Variants in CUL7 observed in about 807,000 individuals in gnomAD.
The protein encoded by CUL7 is cullin-7.
CUL7 carries 96 observed loss-of-function variants against 177.7 expected under a neutral mutation model. That is an observed-to-expected ratio of 0.54 (90% confidence interval 0.46 to 0.64). CUL7 has a LOEUF of 0.64. Ranked by LOEUF, CUL7 falls within the 30% of genes least tolerant of loss-of-function variation. The probability of loss-of-function intolerance (pLI) is 0.00; values close to 1 mark genes in which losing one functional copy is unlikely to be tolerated. For synonymous variants in CUL7, 824 were observed against 890.2 expected (o/e 0.93, Z 1.32); for missense variants, 1,893 against 2,187.9 (o/e 0.87, Z 2.69).
intron 15 of CUL7, 93 bp from the exon 16 acceptor site, chr6:43,044,978 C>G: frequency 6.4e-7 from 1 of 1,561,790 alleles, no homozygotes; most frequent in Non-Finnish European, 8.7e-7. Context: ...CTAACCCCAG[C>G]ACCCAAACCG....
chr6:43,046,980 A>G lies in CUL7; in HGVS notation c.2297T>C (p.Leu766Pro), dbSNP rs1763970974. 1 of 1,613,502 alleles carries G rather than the reference A, an allele frequency of 6.2e-7. No individual in the cohort carries two copies. The highest frequency in any genetic ancestry group is 1.3e-5 in the African/African-American group (1 of 75,018). Residue 766 changes from leucine (L) to proline (P), a missense_variant, in exon 10 of 26, where the codon CTG becomes CCG. Coordinates refer to ENST00000265348, the MANE Select transcript of CUL7 (RefSeq NM_014780.5). ...SKALEKHLGK[L>P]ELAQELRDMV... Reference sequence around the variant, plus strand: ...GTCCCGCAGCTCCTGAGCCAGCTCCAGCTTTCCCAGGTGCTTTTCCAGGGC... The same window carrying G: ...GTCCCGCAGCTCCTGAGCCAGCTCCGGCTTTCCCAGGTGCTTTTCCAGGGC...
chr6:43,046,324 C>T lies in CUL7; in HGVS notation c.2572G>A (p.Asp858Asn), dbSNP rs748015023. 8 of 1,614,206 alleles carry T rather than the reference C, an allele frequency of 5.0e-6. No individual in the cohort carries two copies. The Admixed American group carries it at 1.3e-4, about 27-fold the overall frequency. Residue 858 changes from aspartate to asparagine, a missense_variant, in exon 12 of 26, where the codon GAC becomes AAC. Asp to Asn is a conservative substitution (Grantham distance 23). Around this residue, in one of 5 missense-constraint regions of CUL7, gnomAD observed 973 missense variants for 1,140.9 expected, o/e 0.85. Coordinates refer to ENST00000265348, the MANE Select transcript of CUL7 (RefSeq NM_014780.5). ...SNPHRASKLT[D>N]HNPKTYWESN... is the part of the protein sequence containing the mutation. ...TCCCAATAGGTCTTGGGGTTGTGGTCCGTCAGCTTGCTGGCCCGGTGCGGG... is the reference window on the plus strand; with the variant it reads ...TCCCAATAGGTCTTGGGGTTGTGGTTCGTCAGCTTGCTGGCCCGGTGCGGG...
At chr6:43,046,673 T>C (rs778621004) in intron 10 of CUL7, 72 bp from the exon 11 acceptor site, 2 of 1,595,924 alleles carry the variant, frequency 1.3e-6, no homozygotes, top group South Asian at 2.2e-5. Flanking sequence ...GAAACACGGA[T>C]GAAGGAGAGA....
At position 43,038,548 on chromosome 6, in the gene CUL7, C is replaced by G. The variant is rs534802108; in HGVS notation, c.4567+18G>C. The G allele has an allele frequency of 6.2e-7, 1 of 1,614,076 alleles. No individual in the cohort carries two copies. Among genetic ancestry groups the G allele is most frequent in the Non-Finnish European group, 8.5e-7 (1 of 1,179,958 alleles). ...GCCCTGCCTCAGAGCAGAGGCCCCT[C>G]TGGCCCTAAGTGCATACCTCCTGGT... On this transcript the variant is annotated intron_variant, in intron 24 of 25. Coordinates refer to ENST00000265348, the MANE Select transcript of CUL7 (RefSeq NM_014780.5).
chr6:43,049,837 C>G, intron 6 of CUL7, 126 bp downstream of exon 6: 2 of 1,330,626 alleles, frequency 1.5e-6, no homozygotes, highest in Admixed American at 1.7e-5. Flanking sequence ...AATTCCAGAC[C>G]CCTCCTCTGC....
chr6:43,051,703 T>C lies in CUL7; in HGVS notation c.641A>G (p.Asp214Gly). The change falls in exon 3 of 26, where the codon GAT becomes GGT. Residue 214 changes from aspartate to glycine, a missense_variant. Asp to Gly is a moderately conservative substitution (Grantham distance 94). Coordinates refer to ENST00000265348, the MANE Select transcript of CUL7 (RefSeq NM_014780.5). This position sits in a 1 kb window ranked among gnomAD's most constrained non-coding sequence, Gnocchi z 5.0. ...TAGCAGAGCACAGCGGCTGTCAAAATCCAGGTGTTTCTCAATGGCTTCTTG... is the reference window on the plus strand; with the variant it reads ...TAGCAGAGCACAGCGGCTGTCAAAACCCAGGTGTTTCTCAATGGCTTCTTG... ...SQQEAIEKHL[D>G]FDSRCALLAL... The C allele has an allele frequency of 6.2e-7, 1 of 1,614,122 alleles. No individual in the cohort carries two copies. The highest frequency in any genetic ancestry group is 8.5e-7 in the Non-Finnish European group (1 of 1,180,028).
In CUL7 at chr6:43,045,379, C is replaced by T; in HGVS notation, c.2886G>A (p.Arg962=). The change falls in exon 15 of 26, where the codon CGG becomes CGA. Residue 962 remains arginine (R), a synonymous_variant. Coordinates refer to ENST00000265348, the MANE Select transcript of CUL7 (RefSeq NM_014780.5). The surrounding 1 kb of genome is among the most constrained non-coding windows in gnomAD (Gnocchi z 4.8). ...CQQGGIDTRI[R]GLEILGPKPT... ...GCTTGGGGCCTAGGATCTCTAACCC[C>T]CGAATGCGCGTATCAATGCCACCCT... The T allele has an allele frequency of 6.2e-7, 1 of 1,614,242 alleles. No individual in the cohort carries two copies. The highest frequency in any genetic ancestry group is 1.1e-5 in the South Asian group (1 of 91,088).
At position 43,040,606 on chromosome 6, in the gene CUL7, C is replaced by A; in HGVS notation, c.3947G>T (p.Arg1316Leu). 6.2e-7 allele frequency: 1 copy of A among 1,614,218 alleles called. No individual in the cohort carries two copies. The highest frequency in any genetic ancestry group is 8.5e-7 in the Non-Finnish European group (1 of 1,180,032). The change falls in exon 21 of 26, where the codon CGC becomes CTC. Residue 1316 changes from arginine (R) to leucine (L), a missense_variant. Arg to Leu is a moderately radical substitution (Grantham distance 102). Coordinates refer to ENST00000265348, the MANE Select transcript of CUL7 (RefSeq NM_014780.5). The surrounding 1 kb of genome is among the most constrained non-coding windows in gnomAD (Gnocchi z 4.2). Reference sequence around the variant, plus strand: ...CTGGAGCTGGTAGACGTGGAACTGGCGCTGCAGCTCCTTAGAGGTGCTCAG... The same window carrying A: ...CTGGAGCTGGTAGACGTGGAACTGGAGCTGCAGCTCCTTAGAGGTGCTCAG... Reference protein sequence around the residue: ...QSLSTSKELQRQFHVYQLQQL... With the variant: ...QSLSTSKELQLQFHVYQLQQL...
At chr6:43,042,152 A>G (rs1056631347) in intron 19 of CUL7, among the ~76,000 whole-genome samples, 3 of 151,202 alleles carry the variant, frequency 2.0e-5, no homozygotes, top group African/African-American at 7.3e-5. Flanking sequence ...GGAAGGGAGA[A>G]AGAGAGAGAG....
chr6:43,048,299 C>T (rs759110210), intron 8 of CUL7, 33 bp downstream of exon 8: 13 of 1,592,322 alleles, frequency 8.2e-6, no homozygotes, highest in Non-Finnish European at 1.0e-5. Context: ...CCCCCTTTGC[C>T]CTCAGAGATC....
chr6:43,040,369 C>T lies in CUL7; in HGVS notation c.4081G>A (p.Ala1361Thr), dbSNP rs199568475. ...HKSEKEEEAG[A>T]AAVVDVAEGE... ...TCCGCCACATCCACCACTGCTGCTG[C>T]CCCAGCTTCCTCTTCCTTCTCGCTC... The change falls in exon 22 of 26, where the codon GCA becomes ACA. Residue 1361 changes from alanine to threonine, a missense_variant. By Grantham distance (58) the Ala-to-Thr change is moderately conservative. Around this residue, in one of 5 missense-constraint regions of CUL7, gnomAD observed 973 missense variants for 1,140.9 expected, o/e 0.85. Coordinates refer to ENST00000265348, the MANE Select transcript of CUL7 (RefSeq NM_014780.5). The surrounding 1 kb of genome is among the most constrained non-coding windows in gnomAD (Gnocchi z 4.2). 1 of 1,613,554 alleles carries T rather than the reference C, an allele frequency of 6.2e-7. No individual in the cohort carries two copies. The highest frequency in any genetic ancestry group is 2.2e-5 in the East Asian group (1 of 44,886).
chr6:43,044,987 C>T (rs934604079), intron 15 of CUL7, 102 bp from the exon 16 acceptor site: 13 of 1,533,962 alleles, frequency 8.5e-6, no homozygotes, highest in Admixed American at 5.4e-5. Context: ...GCACCCAAAC[C>T]GAAGGCCCCC....
Position 43,045,491 on chromosome 6 carries a change from G to A in CUL7, c.2863-89C>T. The A allele has an allele frequency of 6.2e-7, 1 of 1,612,638 alleles. No homozygotes were observed. The highest frequency in any genetic ancestry group is 8.5e-7 in the Non-Finnish European group (1 of 1,178,804). On this transcript the variant is annotated intron_variant, in intron 14 of 25. Transcript: ENST00000265348. This position sits in a 1 kb window ranked among gnomAD's most constrained non-coding sequence, Gnocchi z 4.8. ...GCCCTCGAACCTCACCCCTGGAGCT[G>A]CTCGAGACCCAGGCTGGTCCTCTGG...
At position 43,045,987 on chromosome 6, in the gene CUL7, G is replaced by A. The variant is rs373521365; in HGVS notation, c.2765C>T (p.Ser922Leu). Residue 922 changes from serine (S) to leucine (L), a missense_variant and splice_region_variant, in exon 13 of 26, where the codon TCG becomes TTG. Ser to Leu is a moderately radical substitution (Grantham distance 145, BLOSUM62 -2). Transcript: ENST00000265348. The surrounding 1 kb of genome is among the most constrained non-coding windows in gnomAD (Gnocchi z 4.8). ...TGGCTAATGGCCCTGGGGTCCTACC[G>A]AGTTGAGTTCCGTGTGAAGAGAGCT... ...STSSLHTELN[S>L]VNVMPSASRV... is the part of the protein sequence containing the mutation. The A allele has an allele frequency of 1.2e-5, 20 of 1,612,348 alleles. No homozygotes were observed. Among genetic ancestry groups the A allele is most frequent in the Middle Eastern group, 1.6e-4 (1 of 6,084 alleles).
chr6:43,049,494 G>C lies in CUL7; in HGVS notation c.1738C>G (p.Pro580Ala). The C allele has an allele frequency of 6.2e-7, 1 of 1,614,214 alleles. No individual in the cohort carries two copies. The highest frequency in any genetic ancestry group is 8.5e-7 in the Non-Finnish European group (1 of 1,180,040). ...TCTTCTTGGGCTTCTAGAAGGGATG[G>C]GTAGGCTTGGTTCCCTGCTAGGGCT... The part of the protein sequence containing the change: ...PEALAGNQAY[P>A]SLLEAQEDVL... The change falls in exon 7 of 26, where the codon CCA (proline) becomes GCA (alanine). Residue 580 changes from proline to alanine, a missense_variant. Coordinates refer to ENST00000265348, the MANE Select transcript of CUL7 (RefSeq NM_014780.5).
intron 19 of CUL7, among the ~76,000 whole-genome samples, chr6:43,041,296 CTAA>C (rs1256589360): frequency 2.0e-5 from 3 of 152,242 alleles, no homozygotes; most frequent in South Asian, 2.1e-4. Context: ...AAAAATCAAA[CTAA>C]TAATAATCAT....
At chr6:43,049,782 C>T in intron 6 of CUL7, 120 bp from the exon 7 acceptor site, 12 of 1,451,886 alleles carry the variant, frequency 8.3e-6, no homozygotes, top group Non-Finnish European at 1.1e-5. Flanking sequence ...CCTCTCACAG[C>T]TGGCAGCTGG....
Position 43,040,168 on chromosome 6 carries a change from A to ATCTT in CUL7, c.4281_4282insAAGA (p.Phe1428LysfsTer13). On this transcript the variant is annotated frameshift_variant, in exon 22 of 26. Coordinates refer to ENST00000265348, the MANE Select transcript of CUL7 (RefSeq NM_014780.5). LOFTEE classifies it high-confidence loss of function. This position sits in a 1 kb window ranked among gnomAD's most constrained non-coding sequence, Gnocchi z 4.2. ...CCTGGCTGCTCACTCTTGTTGTAGA[A>ATCTT]GTTGGAGTATCTGTTCAAAGTGCCC... 2 of 1,614,140 alleles carry ATCTT rather than the reference A, an allele frequency of 1.2e-6. No homozygotes were observed. The highest frequency in any genetic ancestry group is 1.7e-6 in the Non-Finnish European group (2 of 1,180,016).
Position 43,052,473 on chromosome 6 carries a change from C to A in CUL7, c.316G>T (p.Val106Leu), listed in dbSNP as rs745355293. The A allele has an allele frequency of 1.9e-6, 3 of 1,614,204 alleles. No homozygotes were observed. The highest frequency in any genetic ancestry group is 1.7e-6 in the Non-Finnish European group (2 of 1,180,040). ...AGEVGALDKS[V>L]LEEMETDVKS... ...ACGTCGGTTTCCATCTCCTCCAGCA[C>A]AGATTTGTCCAGGGCCCCAACCTCC... Residue 106 changes from valine to leucine, a missense_variant, in exon 2 of 26, where the codon GTG becomes TTG. This residue lies in a region of CUL7 where 653 missense variants were observed against 725.2 expected (regional missense o/e 0.90). Transcript: ENST00000265348. The surrounding 1 kb of genome is among the most constrained non-coding windows in gnomAD (Gnocchi z 4.5).
Sources: allele counts gnomAD v4.1 joint callset (sites outside exome capture counted in the v4.1 genomes callset), GRCh38; gene constraint gnomAD v4.1.1; regional missense constraint gnomAD v4.1.1; non-coding constraint Gnocchi (gnomAD v3.1); transcripts MANE v1.5; gene names NCBI Gene and HGNC (gene_info 2026-07-23, HGNC 2026-07-21).